HDAC4: variants seen among roughly 807,000 people sequenced by gnomAD.
HDAC4 encodes the protein histone deacetylase 4.
HDAC4 carries 16 observed loss-of-function variants against 135.1 expected under a neutral mutation model. The observed-to-expected ratio is 0.12, with a 90% CI of 0.08 to 0.18. The LOEUF is 0.18. Ranked by LOEUF, HDAC4 falls within the 10% of genes least tolerant of loss-of-function variation. The pLI is 1.00. For synonymous variants in HDAC4, 685 were observed against 653.4 expected, an observed-to-expected ratio of 1.05 and a Z score of -0.74; for missense variants, 1,143 against 1,511.8, an observed-to-expected ratio of 0.76 and a Z score of 4.05.
intron 7 of HDAC4, among the ~76,000 whole-genome samples, chr2:239,156,194 T>C (rs2042412848): frequency 6.6e-6 from 1 of 152,168 alleles, no homozygotes; most frequent in Admixed American, 6.5e-5. Flanking sequence ...CGAATTTCTT[T>C]CTCATAAAGA....
chr2:239,136,578 A>G (rs1007688429), intron 9 of HDAC4, among the ~76,000 whole-genome samples: 6 of 152,208 alleles, frequency 3.9e-5, no homozygotes, highest in African/African-American at 1.4e-4. Flanking sequence ...ACAGCAAAGG[A>G]AGAGAATCAC....
chr2:239,197,847 T>TTGTGTGTGTG (rs368801140), intron 3 of HDAC4, among the ~76,000 whole-genome samples: 12,930 of 140,086 alleles, frequency 0.092, 713 homozygotes, highest in Middle Eastern at 0.14. Flanking sequence ...CACTAAAAGT[T>TTGTGTGTGTG]TGTGTGTGTG....
intron 16 of HDAC4, chr2:239,102,476 G>A (rs1000134441): frequency 2.4e-6 from 1 of 409,438 alleles, no homozygotes; most frequent in Non-Finnish European, 4.6e-6. Flanking sequence ...CTGCAGGGCA[G>A]GGCGGGCAGC....
intron 5 of HDAC4, among the ~76,000 whole-genome samples, chr2:239,168,283 C>T (rs1191094045): frequency 1.3e-5 from 2 of 152,192 alleles, no homozygotes; most frequent in Non-Finnish European, 2.9e-5. Context: ...TGTATTCGCT[C>T]CACACTGCTC....
chr2:239,374,850 A>C (rs1189285380), intron 1 of HDAC4, among the ~76,000 whole-genome samples: 7 of 152,390 alleles, frequency 4.6e-5, no homozygotes, highest in East Asian at 1.9e-4. Context: ...AGCTGGCCAC[A>C]GGTCCTGTCA....
At chr2:239,380,483 T>A (rs1478296624) in intron 1 of HDAC4, among the ~76,000 whole-genome samples, 2 of 152,172 alleles carry the variant, frequency 1.3e-5, no homozygotes, top group African/African-American at 2.4e-5. Flanking sequence ...ACATTTGAGT[T>A]CACCACGGGC....
chr2:239,386,329 T>TG (rs1231380750), intron 1 of HDAC4, among the ~76,000 whole-genome samples: 1 of 151,628 alleles, frequency 6.6e-6, no homozygotes. Flanking sequence ...CGAAAATGGG[T>TG]GGCACTGGAG....
chr2:239,393,435 C>T (rs1162004505), intron 1 of HDAC4, among the ~76,000 whole-genome samples: 1 of 152,210 alleles, frequency 6.6e-6, no homozygotes, highest in Non-Finnish European at 1.5e-5. Context: ...GTGCAGACCA[C>T]ACCTCCACCC....
At chr2:239,071,076 T>C (rs1342663517) in intron 22 of HDAC4, among the ~76,000 whole-genome samples, 1 of 151,932 alleles carries the variant, frequency 6.6e-6, no homozygotes, top group Non-Finnish European at 1.5e-5. Flanking sequence ...GGTTTTCTAG[T>C]TTAATGGAGT....
At chr2:239,278,016 CCTAGCAACACACTCCAG>C in intron 2 of HDAC4, among the ~76,000 whole-genome samples, 1 of 63,428 alleles carries the variant, frequency 1.6e-5, no homozygotes, top group Middle Eastern at 7.2e-3. Flanking sequence ...AGCCACACAC[CCTAGCAACACACTCCAG>C]CCACACGCTC....
intron 19 of HDAC4, among the ~76,000 whole-genome samples, chr2:239,084,842 G>A (rs1465164037): frequency 3.5e-5 from 5 of 144,586 alleles, no homozygotes; most frequent in South Asian, 2.2e-4. Context: ...CCATGCAAAC[G>A]CCCTACACAC....
Position 239,303,596 on chromosome 2 carries a change from CTT to C in HDAC4, c.22+49080_22+49081del, listed in dbSNP as rs949362334. On this transcript the variant is annotated intron_variant, in intron 2 of 26. Coordinates refer to ENST00000543185, the MANE Select transcript of HDAC4 (RefSeq NM_001378414.1). This position sits in a 1 kb window ranked among gnomAD's most constrained non-coding sequence, Gnocchi z 5.1. ...TCAGCTTTCTCTGTTTTCTTTCTTT[CTT>C]TTTTTTTTTTAATTCACAATTGAGG... Among the ~76,000 whole-genome samples, 6 of 146,962 alleles carry C rather than the reference CTT, an allele frequency of 4.1e-5. No individual in the cohort carries two copies. The highest frequency in any genetic ancestry group is 9.0e-5 in the Non-Finnish European group (6 of 66,378).
intron 11 of HDAC4, among the ~76,000 whole-genome samples, chr2:239,131,921 GGA>G (rs1246475886): frequency 6.6e-6 from 1 of 152,230 alleles, no homozygotes; most frequent in African/African-American, 2.4e-5. Flanking sequence ...AGGCCTTCAA[GGA>G]GAGTCCGGTG....
chr2:239,067,625 T>C (rs918145887), intron 23 of HDAC4, among the ~76,000 whole-genome samples: 2 of 152,174 alleles, frequency 1.3e-5, no homozygotes, highest in African/African-American at 4.8e-5. Flanking sequence ...GGAAGCTCTT[T>C]GCCCTCTGTC....
intron 2 of HDAC4, among the ~76,000 whole-genome samples, chr2:239,348,575 T>C (rs969929932): frequency 8.5e-5 from 13 of 152,244 alleles, no homozygotes; most frequent in Non-Finnish European, 1.5e-4. Flanking sequence ...TAGCTTGTCC[T>C]GCCAGCAGGC....
At chr2:239,253,256 T>C (rs1379518866) in intron 2 of HDAC4, among the ~76,000 whole-genome samples, 1 of 152,212 alleles carries the variant, frequency 6.6e-6, no homozygotes, top group Non-Finnish European at 1.5e-5. Context: ...AAAACAAAGA[T>C]GCAGCTTTCG....
At chr2:239,249,933 C>A (rs1054310049) in intron 2 of HDAC4, among the ~76,000 whole-genome samples, 3 of 152,326 alleles carry the variant, frequency 2.0e-5, no homozygotes, top group South Asian at 2.1e-4. Context: ...TCTCTCACCC[C>A]GCGACAGCTG....
chr2:239,378,404 CACATGCTCA>C (rs1407510429), intron 1 of HDAC4, among the ~76,000 whole-genome samples: 2 of 152,172 alleles, frequency 1.3e-5, no homozygotes, highest in Non-Finnish European at 2.9e-5. Context: ...AGAGCTGAGT[CACATGCTCA>C]ACGTGACCAC....
intron 2 of HDAC4, among the ~76,000 whole-genome samples, chr2:239,255,484 G>C (rs1017667623): frequency 6.6e-6 from 1 of 152,154 alleles, no homozygotes; most frequent in Non-Finnish European, 1.5e-5. Context: ...TTCTCTTTGA[G>C]AGACCGTCAT....
Sources: gnomAD v4.1 joint callset for allele counts (sites outside exome capture counted in the v4.1 genomes callset) on GRCh38, gnomAD v4.1.1 for gene constraint, Gnocchi (gnomAD v3.1) non-coding constraint, MANE v1.5 for transcripts, NCBI Gene and HGNC (gene_info 2026-07-23, HGNC 2026-07-21) for gene names.